RELN: variants seen among roughly 807,000 people sequenced by gnomAD.
RELN encodes reelin.
RELN carries 108 observed loss-of-function variants against 427.6 expected under a neutral mutation model. The observed-to-expected ratio is 0.25, with a 90% CI of 0.22 to 0.30. The LOEUF (loss-of-function observed/expected upper bound fraction) is 0.30, where lower values mean the gene tolerates loss of function less well. Among genes scored for constraint, RELN ranks in the 10% least tolerant of loss-of-function variants. The probability of loss-of-function intolerance (pLI) is 1.00; values close to 1 mark genes in which losing one functional copy is unlikely to be tolerated. For synonymous variants in RELN, 1,524 were observed against 1,513.4 expected (o/e 1.01, Z -0.16); for missense variants, 3,715 against 4,302.8 (o/e 0.86, Z 3.82).
At position 103,561,726 on chromosome 7, in the gene RELN, G is replaced by T. The variant is rs1236163769; in HGVS notation, c.5352-17C>A. On this transcript the variant is annotated splice_polypyrimidine_tract_variant and intron_variant, in intron 35 of 64. Transcript: ENST00000428762. Reference sequence around the variant, plus strand: ...CGGTCACACCTAAGAAAGAGAGGGAGTGGAGAAAAGACATTTGTCACACGT... The same window carrying T: ...CGGTCACACCTAAGAAAGAGAGGGATTGGAGAAAAGACATTTGTCACACGT... The T allele has an allele frequency of 5.6e-6, 9 of 1,613,724 alleles. No individual in the cohort carries two copies. Among genetic ancestry groups the T allele is most frequent in the Admixed American group, 1.7e-5 (1 of 59,940 alleles).
chr7:103,829,064 G>C (rs1793212002), intron 3 of RELN, among the ~76,000 whole-genome samples: 1 of 151,896 alleles, frequency 6.6e-6, no homozygotes, highest in Admixed American at 6.6e-5. Context: ...TAACATCTCT[G>C]TCCTTCAGTT....
intron 20 of RELN, among the ~76,000 whole-genome samples, chr7:103,629,120 C>A (rs943188305): frequency 6.6e-6 from 1 of 152,186 alleles, no homozygotes; most frequent in Non-Finnish European, 1.5e-5. Flanking sequence ...ACTTTCCAAT[C>A]AGTAGAATGT....
intron 2 of RELN, among the ~76,000 whole-genome samples, chr7:103,892,642 T>C (rs371906136): frequency 6.6e-6 from 1 of 152,196 alleles, no homozygotes; most frequent in Admixed American, 6.5e-5. Context: ...ATTTGTAGTA[T>C]TTTATAATCA....
intron 3 of RELN, among the ~76,000 whole-genome samples, chr7:103,797,232 AG>A (rs1203518406): frequency 1.8e-4 from 28 of 152,076 alleles, no homozygotes; most frequent in African/African-American, 6.8e-4. Flanking sequence ...CCTCCCGAGT[AG>A]CTGGGATTAC....
chr7:103,636,546 A>G lies in RELN; in HGVS notation c.2070-78T>C, dbSNP rs1832586786. The G allele has an allele frequency of 3.3e-6, 3 of 909,546 alleles. No individual in the cohort carries two copies. In the South Asian group the frequency reaches 4.2e-5, roughly 13 times the overall value. 56.3% of individuals were successfully genotyped at this position (909,546 alleles called of 1,614,324 possible). A position where few individuals can be genotyped will look rare whatever the true frequency, so the allele number is the denominator to read the frequency against. ...TCTCGAATCTACTTTGGGGAGGAAGAAGTCCAGAGACTAGGATTTGATTGA... is the reference window on the plus strand; with the variant it reads ...TCTCGAATCTACTTTGGGGAGGAAGGAGTCCAGAGACTAGGATTTGATTGA... On this transcript the variant is annotated intron_variant, in intron 17 of 64. Coordinates refer to ENST00000428762, the MANE Select transcript of RELN (RefSeq NM_005045.4).
At chr7:103,527,961 A>G (rs1157954685) in intron 46 of RELN, among the ~76,000 whole-genome samples, 1 of 152,230 alleles carries the variant, frequency 6.6e-6, no homozygotes, top group African/African-American at 2.4e-5. Context: ...AGAATCCTCT[A>G]CATTGCTGGT....
chr7:103,516,653 C>G (rs1829573436), intron 49 of RELN, among the ~76,000 whole-genome samples: 1 of 152,108 alleles, frequency 6.6e-6, no homozygotes, highest in African/African-American at 2.4e-5. Context: ...TCAAGGGATG[C>G]CTTTTCGTGT....
chr7:103,557,557 A>G (rs1324315418), intron 37 of RELN, among the ~76,000 whole-genome samples: 1 of 152,210 alleles, frequency 6.6e-6, no homozygotes, highest in East Asian at 1.9e-4. Flanking sequence ...GTTCAGGAAA[A>G]TTATTTAGTT....
At chr7:103,758,546 AAACT>A (rs1468022999) in intron 4 of RELN, among the ~76,000 whole-genome samples, 2 of 151,850 alleles carry the variant, frequency 1.3e-5, no homozygotes, top group Admixed American at 1.3e-4. Context: ...AATTTCTTTA[AAACT>A]ATCAATACAA....
chr7:103,670,444 A>G (rs776017308), intron 11 of RELN, among the ~76,000 whole-genome samples: 8 of 152,096 alleles, frequency 5.3e-5, no homozygotes, highest in Non-Finnish European at 1.2e-4. Flanking sequence ...ATGAAGGTCT[A>G]TATTTATTGA....
At chr7:103,974,324 C>A (rs1038594579) in intron 1 of RELN, among the ~76,000 whole-genome samples, 3 of 152,092 alleles carry the variant, frequency 2.0e-5, no homozygotes, top group Non-Finnish European at 4.4e-5. Context: ...TGTCCAAGGC[C>A]ACATGACTTA....
rs202235125 is a variant in RELN, at chr7:103,856,593, G to A, written c.338-22921C>T. On this transcript the variant is annotated intron_variant, in intron 2 of 64. Transcript: ENST00000428762. The stretch of plus-strand genomic sequence containing the variant: ...TCAAAAAAAAAAAAAAAAAAAGAAA[G>A]AAAGAAAGAAAAAAGCAAATATGTT... Among the ~76,000 whole-genome samples, 627 of 138,024 alleles carry A rather than the reference G, an allele frequency of 4.5e-3. 9 individuals are homozygous for A. The highest frequency in any genetic ancestry group is 0.028 in the East Asian group (122 of 4,370). The allele number at this position is 138,024 out of a possible 152,430, so 90.5% of individuals were successfully genotyped here.
chr7:103,610,738 T>G lies in RELN; in HGVS notation c.2965A>C (p.Thr989Pro), dbSNP rs756172077. Reference sequence around the variant, plus strand: ...AGCACTATGACTCTCCTCCACTGTGTAAACTCACTGGCATGGTAAATACTT... The same window carrying G: ...AGCACTATGACTCTCCTCCACTGTGGAAACTCACTGGCATGGTAAATACTT... Reference protein sequence around the residue: ...SASIYHASEFTQWRRVIVLLP... With the variant: ...SASIYHASEFPQWRRVIVLLP... Residue 989 changes from threonine to proline, a missense_variant, in exon 22 of 65, where the codon ACA becomes CCA. Coordinates refer to ENST00000428762, the MANE Select transcript of RELN (RefSeq NM_005045.4). The G allele has an allele frequency of 6.2e-7, 1 of 1,611,122 alleles. No homozygotes were observed. The highest frequency in any genetic ancestry group is 2.2e-5 in the East Asian group (1 of 44,814).
chr7:103,797,518 T>C (rs1792337687), intron 3 of RELN, among the ~76,000 whole-genome samples: 1 of 152,334 alleles, frequency 6.6e-6, no homozygotes, highest in East Asian at 1.9e-4. Context: ...ACTTCTTACA[T>C]AACCGTGGTT....
chr7:103,669,554 T>A (rs2299357), intron 11 of RELN, among the ~76,000 whole-genome samples: 1 of 151,874 alleles, frequency 6.6e-6, no homozygotes, highest in African/African-American at 2.4e-5. Context: ...GGTCATTTCC[T>A]GTTACAAAAA....
At chr7:103,843,104 T>C (rs749206622) in intron 2 of RELN, among the ~76,000 whole-genome samples, 1 of 152,142 alleles carries the variant, frequency 6.6e-6, no homozygotes, top group Non-Finnish European at 1.5e-5. Context: ...ATGATAATAA[T>C]AGGGTAGCTG....
chr7:103,539,674 C>T (rs1043684921), intron 44 of RELN, among the ~76,000 whole-genome samples: 3 of 152,202 alleles, frequency 2.0e-5, no homozygotes, highest in Admixed American at 2.0e-4. Context: ...GACAGTTGTA[C>T]CCTAAGGCAT....
At chr7:103,879,421 T>C (rs891814033) in intron 2 of RELN, among the ~76,000 whole-genome samples, 4 of 152,224 alleles carry the variant, frequency 2.6e-5, no homozygotes, top group African/African-American at 9.6e-5. Flanking sequence ...AATGTTCTGA[T>C]GTTTGAATGA....
chr7:103,684,249 G>A (rs1228409354), intron 10 of RELN, among the ~76,000 whole-genome samples: 1 of 152,154 alleles, frequency 6.6e-6, no homozygotes, highest in Admixed American at 6.5e-5. Context: ...TCAATTACAA[G>A]ACAAGTTAGA....
Sources: allele counts gnomAD v4.1 joint callset (sites outside exome capture counted in the v4.1 genomes callset), GRCh38; gene constraint gnomAD v4.1.1; transcripts MANE v1.5; gene names NCBI Gene and HGNC (gene_info 2026-07-23, HGNC 2026-07-21).